The following KIF5B variants were observed in gnomAD, a reference collection of about 807,000 sequenced individuals.
KIF5B encodes kinesin-1 heavy chain.
Under a neutral mutation model 132.8 loss-of-function variants are expected in KIF5B, and 49 were observed. That is an observed-to-expected ratio of 0.37 (90% CI 0.29 to 0.47). The LOEUF (loss-of-function observed/expected upper bound fraction) is 0.47, where lower values mean the gene tolerates loss of function less well. Ranked by LOEUF, KIF5B falls within the 20% of genes least tolerant of loss-of-function variation. The pLI, the probability that KIF5B is intolerant of heterozygous loss-of-function variation, is 1.00. For synonymous variants in KIF5B, 355 were observed against 369.4 expected, an observed-to-expected ratio of 0.96 and a Z score of 0.45; for missense variants, 780 against 1,144.0, an observed-to-expected ratio of 0.68 and a Z score of 4.59.
intron 8 of KIF5B, among the ~76,000 whole-genome samples, chr10:32,036,696 A>G (rs1841463681): frequency 6.6e-6 from 1 of 152,258 alleles, no homozygotes; most frequent in African/African-American, 2.4e-5. Context: ...GTAAGACTTC[A>G]GAGTAGAACG....
chr10:32,027,883 T>G (rs940509690), intron 15 of KIF5B, among the ~76,000 whole-genome samples: 3 of 152,156 alleles, frequency 2.0e-5, no homozygotes. Context: ...GATTACAGGC[T>G]TGAGCCACTA....
In KIF5B at chr10:32,055,994, G is replaced by A. The variant is rs1255844171; in HGVS notation, c.-21C>T. 1.3e-6 allele frequency: 2 copies of A among 1,596,424 alleles called. No individual in the cohort carries two copies. The highest frequency in any genetic ancestry group is 2.7e-5 in the African/African-American group (2 of 74,860). ...GCCATCTTTCTCGCAGCCGGGGCCG[G>A]CGGCCGGGAGCCACTCCCCGCCGCT... On this transcript the variant is annotated 5_prime_UTR_variant, in exon 1 of 26. Transcript: ENST00000302418.
Position 32,039,390 on chromosome 10 carries a change from T to C in KIF5B, c.330A>G (p.Arg110=). The change falls in exon 4 of 26, where the codon AGA becomes AGG. Residue 110 remains arginine (R), a synonymous_variant. Coordinates refer to ENST00000302418, the MANE Select transcript of KIF5B (RefSeq NM_004521.3). ...HDPEGMGIIP[R]IVQDIFNYIY... ...TATAATTAAAAATATCTTGCACTAT[T>C]CTTGGAATAATTCCCATGCCTTCTG... is the stretch of plus-strand genomic sequence containing the variant. 3 of 1,535,102 alleles carry C rather than the reference T, an allele frequency of 2.0e-6. No homozygotes were observed. Among genetic ancestry groups the C allele is most frequent in the Non-Finnish European group, 2.7e-6 (3 of 1,128,092 alleles).
At chr10:32,014,745 G>A (rs1841134875) in intron 25 of KIF5B, among the ~76,000 whole-genome samples, 3 of 152,150 alleles carry the variant, frequency 2.0e-5, no homozygotes, top group Admixed American at 1.3e-4. Flanking sequence ...TATGTAGCAA[G>A]AGCCTTAAAA....
At chr10:32,014,349 C>G (rs1841128122) in intron 25 of KIF5B, among the ~76,000 whole-genome samples, 1 of 151,652 alleles carries the variant, frequency 6.6e-6, no homozygotes, top group Non-Finnish European at 1.5e-5. Flanking sequence ...CAAGATCACC[C>G]CACTGCATGT....
At chr10:32,021,565 A>G (rs1327211532) in intron 17 of KIF5B, among the ~76,000 whole-genome samples, 3 of 146,620 alleles carry the variant, frequency 2.0e-5, no homozygotes, top group African/African-American at 2.5e-5. Flanking sequence ...AAGAAATGAG[A>G]TAACTCCTAA....
intron 15 of KIF5B, among the ~76,000 whole-genome samples, chr10:32,027,823 G>A (rs371738176): frequency 4.2e-4 from 63 of 151,586 alleles, no homozygotes; most frequent in African/African-American, 1.4e-3. Context: ...GGCTGGTCTC[G>A]AACTCCTGGG....
chr10:32,030,573 A>C (rs1367268943), intron 14 of KIF5B, among the ~76,000 whole-genome samples: 1 of 152,154 alleles, frequency 6.6e-6, no homozygotes, highest in African/African-American at 2.4e-5. Flanking sequence ...CTAAAAAGGC[A>C]CTGTTCCACG....
intron 9 of KIF5B, 32 bp downstream of exon 9, chr10:32,035,858 G>A: frequency 6.6e-7 from 1 of 1,517,512 alleles, no homozygotes; most frequent in African/African-American, 1.4e-5. Context: ...GCCCCATAAG[G>A]TAACAGGGAG....
At chr10:32,031,794 T>G (rs12774540) in intron 13 of KIF5B, among the ~76,000 whole-genome samples, 14 of 144,070 alleles carry the variant, frequency 9.7e-5, no homozygotes, top group East Asian at 6.2e-4. Context: ...GTCAGGAGTT[T>G]GAGACCAGCC....
chr10:32,024,070 A>AC (rs1336350295), intron 15 of KIF5B, among the ~76,000 whole-genome samples: 1 of 149,106 alleles, frequency 6.7e-6, no homozygotes, highest in Non-Finnish European at 1.5e-5. Context: ...AAAACAAAAA[A>AC]AAAAAAACAA....
intron 24 of KIF5B, among the ~76,000 whole-genome samples, chr10:32,015,898 C>T (rs1187277472): frequency 6.6e-6 from 1 of 152,108 alleles, no homozygotes; most frequent in Admixed American, 6.6e-5. Flanking sequence ...AATCCCAGCA[C>T]TTTGAGAGCC....
At chr10:32,049,996 T>A (rs1407582361) in intron 1 of KIF5B, among the ~76,000 whole-genome samples, 2 of 152,050 alleles carry the variant, frequency 1.3e-5, no homozygotes, top group African/African-American at 2.4e-5. Context: ...TTTAATAATC[T>A]AGGAGAAAGA....
At chr10:32,031,958 C>T (rs559310865) in intron 13 of KIF5B, among the ~76,000 whole-genome samples, 41 of 150,168 alleles carry the variant, frequency 2.7e-4, no homozygotes, top group African/African-American at 9.8e-4. Flanking sequence ...AAGATCACGC[C>T]GCTGCACTCC....
intron 12 of KIF5B, among the ~76,000 whole-genome samples, chr10:32,033,641 T>C (rs1388514945): frequency 6.6e-6 from 1 of 152,196 alleles, no homozygotes; most frequent in Non-Finnish European, 1.5e-5. Flanking sequence ...AAAAGATACA[T>C]GCTCATACAG....
chr10:32,042,827 T>C (rs535352807), intron 2 of KIF5B, among the ~76,000 whole-genome samples: 2 of 152,302 alleles, frequency 1.3e-5, no homozygotes, highest in South Asian at 2.1e-4. Context: ...CTCCCTGAAC[T>C]TCAGCCTCCC....
At chr10:32,018,190 A>T (rs370049529) in intron 22 of KIF5B, 34 bp from the exon 23 acceptor site, 206 of 1,507,090 alleles carry the variant, frequency 1.4e-4, no homozygotes, top group South Asian at 3.0e-4. Flanking sequence ...CAAAAAAATT[A>T]AAAAAAACTA....
intron 13 of KIF5B, 38 bp from the exon 14 acceptor site, chr10:32,031,317 T>C (rs965211135): frequency 6.5e-7 from 1 of 1,544,748 alleles, no homozygotes; most frequent in African/African-American, 1.4e-5. Context: ...CCCAAAAGTA[T>C]ACAGGTTTTA....
intron 15 of KIF5B, among the ~76,000 whole-genome samples, chr10:32,027,418 T>C (rs895249662): frequency 6.6e-6 from 1 of 152,088 alleles, no homozygotes; most frequent in African/African-American, 2.4e-5. Context: ...CAAAGAGGTA[T>C]AAAGAAAATA....
Sources: allele counts gnomAD v4.1 joint callset (sites outside exome capture counted in the v4.1 genomes callset), GRCh38; gene constraint gnomAD v4.1.1; transcripts MANE v1.5; gene names NCBI Gene and HGNC (gene_info 2026-07-23, HGNC 2026-07-21).